Variants in ITGB1 observed in about 807,000 individuals in gnomAD.
ITGB1 encodes the protein integrin beta-1.
Under a neutral mutation model 86.5 loss-of-function variants are expected in ITGB1, and 24 were observed. The ratio of observed to expected loss-of-function variants is 0.28; its 90% confidence interval spans 0.20 to 0.39. The LOEUF (loss-of-function observed/expected upper bound fraction) is 0.39, where lower values mean the gene tolerates loss of function less well. Ranked by LOEUF, ITGB1 falls within the 10% of genes least tolerant of loss-of-function variation. ITGB1 has a pLI of 1.00. For synonymous variants in ITGB1, 323 were observed against 316.8 expected (o/e 1.02, Z -0.21); for missense variants, 556 against 946.9 (o/e 0.59, Z 5.42).
chr10:32,910,587 G>A (rs1378919036), intron 13 of ITGB1, 132 bp from the exon 14 acceptor site: 1 of 575,838 alleles, frequency 1.7e-6, no homozygotes, highest in Non-Finnish European at 3.1e-6. Flanking sequence ...TTCAATAAAT[G>A]AAGAGGAACA....
chr10:32,945,184 T>C (rs1471584821), intron 1 of ITGB1, among the ~76,000 whole-genome samples: 1 of 152,200 alleles, frequency 6.6e-6, no homozygotes, highest in Non-Finnish European at 1.5e-5. Context: ...GATTAATCTT[T>C]TGAAATCATC....
intron 15 of ITGB1, among the ~76,000 whole-genome samples, chr10:32,906,071 T>C (rs72784063): frequency 0.072 from 10,996 of 151,908 alleles, 598 homozygotes; most frequent in South Asian, 0.26. Flanking sequence ...CACACACACA[T>C]ATATATATAA....
Position 32,919,945 on chromosome 10 carries a change from C to A in ITGB1, c.1409G>T (p.Gly470Val). The A allele has an allele frequency of 6.2e-7, 1 of 1,614,116 alleles. No individual in the cohort carries two copies. Among genetic ancestry groups the A allele is most frequent in the Non-Finnish European group, 8.5e-7 (1 of 1,180,018 alleles). ...ATGACACTTGGGACTTTCAGGGATG[C>A]CTTCGCTTTGGCATTCACATTCACA... is the stretch of plus-strand genomic sequence containing the variant. ...YICECECQSE[G>V]IPESPKCHEG... Residue 470 changes from glycine to valine, a missense_variant, in exon 11 of 16, where the codon GGC (glycine) becomes GTC (valine). Physicochemically the swap from Gly to Val is moderately radical, Grantham distance 109. Around this residue, in one of 4 missense-constraint regions of ITGB1, gnomAD observed 330 missense variants for 531.5 expected, o/e 0.62. Coordinates refer to ENST00000302278, the MANE Select transcript of ITGB1 (RefSeq NM_002211.4).
Position 32,928,279 on chromosome 10 carries a change from G to T in ITGB1, c.377-15C>A. 1.2e-6 allele frequency: 1 copy of T among 827,624 alleles called. No individual in the cohort carries two copies. 51.3% of individuals were successfully genotyped at this position (827,624 alleles called of 1,614,324 possible). A position where few individuals can be genotyped will look rare whatever the true frequency, so the allele number is the denominator to read the frequency against. On this transcript the variant is annotated splice_polypyrimidine_tract_variant and intron_variant, in intron 4 of 15. Transcript: ENST00000302278. Reference sequence around the variant, plus strand: ...CTGTGGCTCCCCTAATTAGACAAGAGATTAGAAAATGAAACTTGCCTGTTG... The same window carrying T: ...CTGTGGCTCCCCTAATTAGACAAGATATTAGAAAATGAAACTTGCCTGTTG...
intron 13 of ITGB1, among the ~76,000 whole-genome samples, chr10:32,911,096 A>G (rs888699481): frequency 6.6e-6 from 1 of 152,230 alleles, no homozygotes; most frequent in African/African-American, 2.4e-5. Context: ...AAGAGGAAAA[A>G]TCTTTAATTT....
In ITGB1 at chr10:32,903,374, G is replaced by A. The variant is rs77768910; in HGVS notation, c.2332-1739C>T. Among the ~76,000 whole-genome samples the A allele has an allele frequency of 2.3e-3, 257 of 109,628 alleles. 1 individual carries two copies. The highest frequency in any genetic ancestry group is 3.9e-3 in the Non-Finnish European group (183 of 46,964). The allele number at this position is 109,628 out of a possible 152,430, so 71.9% of individuals were successfully genotyped here. A position where few individuals can be genotyped will look rare whatever the true frequency, so the allele number is the denominator to read the frequency against. ...CTCAAAAAAAAAAAAAAAAAAAAAA[G>A]AGGAAAAAAAAGAATTAAGGGGGCA... On this transcript the variant is annotated intron_variant, in intron 15 of 15. Coordinates refer to ENST00000302278, the MANE Select transcript of ITGB1 (RefSeq NM_002211.4).
chr10:32,937,416 T>A (rs890623259), intron 1 of ITGB1, among the ~76,000 whole-genome samples: 2 of 151,730 alleles, frequency 1.3e-5, no homozygotes, highest in Non-Finnish European at 2.9e-5. Flanking sequence ...ATTAGCTGGG[T>A]GTGGTGGCAT....
intron 6 of ITGB1, 24 bp from the exon 7 acceptor site, chr10:32,923,764 T>C (rs768779821): frequency 9.4e-6 from 15 of 1,597,110 alleles, no homozygotes; most frequent in Non-Finnish European, 1.3e-5. Context: ...GGATTTCAAT[T>C]TTAAAACACT....
chr10:32,917,524 TG>T (rs1233306537), intron 11 of ITGB1, among the ~76,000 whole-genome samples: 1 of 152,054 alleles, frequency 6.6e-6, no homozygotes, highest in Non-Finnish European at 1.5e-5. Context: ...CACCAAAAAG[TG>T]GGAGAAGGAT....
In ITGB1 at chr10:32,911,457, G is replaced by A. The variant is rs1037709294; in HGVS notation, c.1922C>T (p.Ala641Val). The part of the protein sequence containing the change: ...EMCQTCLGVC[A>V]EHKECVQCRA... ...ATTAGGAAATACTTACTTATGCTCA[G>A]CACAGACACCAAGGCAGGTCTGACA... The change falls in exon 13 of 16, where the codon GCT becomes GTT. Residue 641 changes from alanine (A) to valine (V), a missense_variant. Around this residue, in one of 4 missense-constraint regions of ITGB1, gnomAD observed 330 missense variants for 531.5 expected, o/e 0.62. Coordinates refer to ENST00000302278, the MANE Select transcript of ITGB1 (RefSeq NM_002211.4). The A allele has an allele frequency of 8.7e-6, 14 of 1,613,606 alleles. No individual in the cohort carries two copies. The highest frequency in any genetic ancestry group is 1.1e-5 in the South Asian group (1 of 91,066).
intron 1 of ITGB1, among the ~76,000 whole-genome samples, chr10:32,938,359 A>T (rs2095009188): frequency 5.9e-5 from 9 of 152,244 alleles, no homozygotes; most frequent in Admixed American, 5.9e-4. Flanking sequence ...TGTTCCATAT[A>T]TGGACAGATA....
intron 7 of ITGB1, among the ~76,000 whole-genome samples, chr10:32,923,087 A>G (rs1337604641): frequency 6.6e-6 from 1 of 152,244 alleles, no homozygotes. Context: ...TATAAGGACA[A>G]TGAAATTAAA....
At chr10:32,939,496 C>T (rs570511047) in intron 1 of ITGB1, among the ~76,000 whole-genome samples, 4 of 152,328 alleles carry the variant, frequency 2.6e-5, no homozygotes, top group African/African-American at 7.2e-5. Context: ...CCAGGCTCTA[C>T]GGTACAGCCT....
chr10:32,954,879 G>A (rs1187072), intron 1 of ITGB1, among the ~76,000 whole-genome samples: 1 of 151,950 alleles, frequency 6.6e-6, no homozygotes, highest in African/African-American at 2.4e-5. Context: ...CAAACCAAAC[G>A]GCAAGTTTAA....
intron 5 of ITGB1, among the ~76,000 whole-genome samples, chr10:32,927,822 T>C (rs377453514): frequency 1.2e-4 from 18 of 152,036 alleles, no homozygotes; most frequent in African/African-American, 4.1e-4. Flanking sequence ...ATAAGATAAA[T>C]GATCAAGTTA....
chr10:32,941,056 G>T (rs937381725), intron 1 of ITGB1, among the ~76,000 whole-genome samples: 10 of 152,200 alleles, frequency 6.6e-5, no homozygotes, highest in Admixed American at 3.9e-4. Flanking sequence ...ACTGAAATCT[G>T]CCTGGACAAG....
intron 1 of ITGB1, among the ~76,000 whole-genome samples, chr10:32,942,278 G>C (rs2095020101): frequency 6.6e-6 from 1 of 152,178 alleles, no homozygotes; most frequent in Non-Finnish European, 1.5e-5. Context: ...ATTCATGCAT[G>C]ACTGTTTTTT....
chr10:32,957,427 CT>C (rs1270392606), intron 1 of ITGB1, among the ~76,000 whole-genome samples: 1 of 152,236 alleles, frequency 6.6e-6, no homozygotes, highest in African/African-American at 2.4e-5. Context: ...GCCATGCGTC[CT>C]GGTCCCGGGG....
At chr10:32,932,689 C>T (rs2094987643) in intron 2 of ITGB1, 89 bp from the exon 3 acceptor site, 2 of 758,968 alleles carry the variant, frequency 2.6e-6, no homozygotes, top group Middle Eastern at 2.4e-4. Context: ...CAATGCAATA[C>T]ATATGTTAAA....
Sources: gnomAD v4.1 joint callset for allele counts (sites outside exome capture counted in the v4.1 genomes callset) on GRCh38, gnomAD v4.1.1 for gene constraint, gnomAD v4.1.1 regional missense constraint, MANE v1.5 for transcripts, NCBI Gene and HGNC (gene_info 2026-07-23, HGNC 2026-07-21) for gene names.